SHC2: variants seen among roughly 807,000 people sequenced by gnomAD.
SHC2 encodes the protein SHC-transforming protein 2.
SHC2 carries 62 observed loss-of-function variants against 60.6 expected under a neutral mutation model. The observed-to-expected ratio is 1.02, with a 90% CI of 0.83 to 1.26. The LOEUF (loss-of-function observed/expected upper bound fraction) is 1.26, where lower values mean the gene tolerates loss of function less well. SHC2 is among the 50% of genes most tolerant of loss of function. The pLI, the probability that SHC2 is intolerant of heterozygous loss-of-function variation, is 0.00. For missense variants in SHC2, 873 were observed against 822.2 expected, an observed-to-expected ratio of 1.06 and a Z score of -0.76; for synonymous variants, 375 against 372.4, an observed-to-expected ratio of 1.01 and a Z score of -0.08.
chr19:437,379 C>T (rs1471162680), intron 4 of SHC2, among the ~76,000 whole-genome samples: 1 of 152,050 alleles, frequency 6.6e-6, no homozygotes, highest in African/African-American at 2.4e-5. Flanking sequence ...TGCTCGTCTG[C>T]GTGCTTGTTT....
At position 441,747 on chromosome 19, in the gene SHC2, C is replaced by T. The variant is rs138627399; in HGVS notation, c.469-815G>A. Among the ~76,000 whole-genome samples the T allele has an allele frequency of 1.8e-4, 27 of 152,250 alleles. No homozygotes were observed. The highest frequency in any genetic ancestry group is 5.8e-4 in the African/African-American group (24 of 41,544). On this transcript the variant is annotated intron_variant, in intron 1 of 12. Transcript: ENST00000264554. The surrounding 1 kb of genome is among the most constrained non-coding windows in gnomAD (Gnocchi z 4.9). Reference sequence around the variant, plus strand: ...GAATTAGACAGAAGGGGTGGTGGCACGATATTATGAATGTACGAAATGCTA... The same window carrying T: ...GAATTAGACAGAAGGGGTGGTGGCATGATATTATGAATGTACGAAATGCTA...
At chr19:431,316 C>G (rs34296370) in intron 8 of SHC2, among the ~76,000 whole-genome samples, 113 of 144,460 alleles carry the variant, frequency 7.8e-4, no homozygotes, top group East Asian at 2.2e-3. Flanking sequence ...TAGAGGAGGC[C>G]GGGCAGATAG....
intron 1 of SHC2, among the ~76,000 whole-genome samples, chr19:444,807 G>T (rs1415385630): frequency 6.6e-6 from 1 of 150,684 alleles, no homozygotes; most frequent in Non-Finnish European, 1.5e-5. Flanking sequence ...GCTAACTCAG[G>T]GCGCTTGTCA....
intron 1 of SHC2, among the ~76,000 whole-genome samples, chr19:452,844 C>T (rs987864506): frequency 1.3e-5 from 2 of 152,172 alleles, no homozygotes; most frequent in African/African-American, 4.8e-5. Context: ...CCCAGCAGGT[C>T]TGGGGTGGGG....
At chr19:426,907 T>C (rs1489334671) in intron 9 of SHC2, among the ~76,000 whole-genome samples, 1 of 150,520 alleles carries the variant, frequency 6.6e-6, no homozygotes, top group Non-Finnish European at 1.5e-5. Context: ...GGTGGAGGAA[T>C]CCCTGGACCC....
chr19:430,872 G>C (rs1011625732), intron 8 of SHC2, 125 bp from the exon 9 acceptor site: 2 of 826,388 alleles, frequency 2.4e-6, no homozygotes. Flanking sequence ...GCACAGCCCT[G>C]GCCCTCCCAT....
Position 461,002 on chromosome 19 carries a change from C to T in SHC2, c.-6G>A. The stretch of plus-strand genomic sequence containing the variant: ...CCGCCCGGACCCTGCGTCATGGCCG[C>T]GGCCGCCCGACGGAGCCCGACCGGG... On this transcript the variant is annotated 5_prime_UTR_variant, in exon 1 of 13. Coordinates refer to ENST00000264554, the MANE Select transcript of SHC2 (RefSeq NM_012435.3). 1.0e-6 allele frequency: 1 copy of T among 955,452 alleles called. No homozygotes were observed. Among genetic ancestry groups the T allele is most frequent in the Non-Finnish European group, 1.2e-6 (1 of 802,498 alleles). 59.2% of individuals were successfully genotyped at this position (955,452 alleles called of 1,614,324 possible).
intron 1 of SHC2, among the ~76,000 whole-genome samples, chr19:448,824 CCA>C (rs1019576613): frequency 1.3e-5 from 2 of 152,066 alleles, no homozygotes; most frequent in African/African-American, 4.8e-5. Flanking sequence ...TCCATGGATC[CCA>C]GGACGGAACA....
intron 1 of SHC2, among the ~76,000 whole-genome samples, chr19:451,643 G>A (rs1346140147): frequency 6.6e-6 from 1 of 152,196 alleles, no homozygotes; most frequent in Non-Finnish European, 1.5e-5. Context: ...TGTCGCCCAG[G>A]CTGGAGTGCA....
At chr19:436,026 T>C in intron 7 of SHC2, 139 bp downstream of exon 7, 1 of 901,230 alleles carries the variant, frequency 1.1e-6, no homozygotes, top group Non-Finnish European at 1.7e-6. Context: ...ATCCTCTGGC[T>C]GAGCCATATT....
At position 445,482 on chromosome 19, in the gene SHC2, G is replaced by C. The variant is rs533347246; in HGVS notation, c.469-4550C>G. 6.6e-6 allele frequency among the ~76,000 whole-genome samples: 1 copy of C among 152,134 alleles called. No homozygotes were observed. The highest frequency in any genetic ancestry group is 6.6e-5 in the Admixed American group (1 of 15,264). On this transcript the variant is annotated intron_variant, in intron 1 of 12. Transcript: ENST00000264554. This position sits in a 1 kb window ranked among gnomAD's most constrained non-coding sequence, Gnocchi z 4.4. Reference sequence around the variant, plus strand: ...GGCACAGCAGCTCATGCCTGTAATCGCAGCACTTCAGGAGACCTAGGTGGG... The same window carrying C: ...GGCACAGCAGCTCATGCCTGTAATCCCAGCACTTCAGGAGACCTAGGTGGG...
At chr19:437,838 T>C (rs1056963279) in intron 4 of SHC2, among the ~76,000 whole-genome samples, 1 of 151,832 alleles carries the variant, frequency 6.6e-6, no homozygotes. Context: ...CAGCCACACC[T>C]GAGATTCCCC....
intron 1 of SHC2, among the ~76,000 whole-genome samples, chr19:457,307 T>G (rs1187615823): frequency 6.9e-6 from 1 of 145,810 alleles, no homozygotes; most frequent in Non-Finnish European, 1.5e-5. Context: ...CTGCACCTGC[T>G]GTACCCCCCC....
Position 460,926 on chromosome 19 carries a change from G to A in SHC2, c.71C>T (p.Thr24Ile). 1 of 989,692 alleles carries A rather than the reference G, an allele frequency of 1.0e-6. No homozygotes were observed. The highest frequency in any genetic ancestry group is 1.8e-5 in the African/African-American group (1 of 56,912). 61.3% of individuals were successfully genotyped at this position (989,692 alleles called of 1,614,324 possible). A position where few individuals can be genotyped will look rare whatever the true frequency, so the allele number is the denominator to read the frequency against. ...PAPPEPEAPTTFCALLPRMPQ... is the reference protein window; with the variant it reads ...PAPPEPEAPTIFCALLPRMPQ... The stretch of plus-strand genomic sequence containing the variant: ...CATTCGGGGCAGCAACGCGCAGAAG[G>A]TGGTGGGCGCCTCGGGCTCGGGGGG... The change falls in exon 1 of 13, where the codon ACC becomes ATC. Residue 24 changes from threonine to isoleucine, a missense_variant. Coordinates refer to ENST00000264554, the MANE Select transcript of SHC2 (RefSeq NM_012435.3).
chr19:423,939 T>C (rs1437298917), intron 10 of SHC2, among the ~76,000 whole-genome samples: 2 of 152,212 alleles, frequency 1.3e-5, no homozygotes, highest in African/African-American at 2.4e-5. Flanking sequence ...TGAGGGCTGC[T>C]GTGAGGAGCC....
intron 1 of SHC2, among the ~76,000 whole-genome samples, chr19:458,748 A>G (rs112901402): frequency 0.028 from 3,498 of 125,108 alleles, 166 homozygotes; most frequent in African/African-American, 0.099. Flanking sequence ...GGGAGGCGGA[A>G]GCGGGTCCCG....
Position 453,831 on chromosome 19 carries a change from C to T in SHC2, c.468+6698G>A, listed in dbSNP as rs535692593. 1.4e-4 allele frequency among the ~76,000 whole-genome samples: 22 copies of T among 152,166 alleles called. No individual in the cohort carries two copies. The highest frequency in any genetic ancestry group is 1.5e-4 in the Non-Finnish European group (10 of 68,026). ...CACGCACCTGGAGCAGAGCCAGACA[C>T]GCACAGGAAACTCTCCCTGAAGTGC... On this transcript the variant is annotated intron_variant, in intron 1 of 12. Transcript: ENST00000264554. This position sits in a 1 kb window ranked among gnomAD's most constrained non-coding sequence, Gnocchi z 6.3.
At chr19:427,182 G>C (rs1420236936) in intron 9 of SHC2, among the ~76,000 whole-genome samples, 3 of 152,192 alleles carry the variant, frequency 2.0e-5, no homozygotes, top group African/African-American at 7.2e-5. Context: ...GATTGTTTGG[G>C]AAGATCTAAA....
chr19:422,350 C>T lies in SHC2; in HGVS notation c.1416G>A (p.Arg472=). 6.2e-7 allele frequency: 1 copy of T among 1,607,552 alleles called. No individual in the cohort carries two copies. Among genetic ancestry groups the T allele is most frequent in the South Asian group, 1.1e-5 (1 of 90,068 alleles). ...GTTCCTCCGTGGGGGCCACAGGGGCCCGGCGGGTAGGGGGGCTGGGCCACT... is the reference window on the plus strand; with the variant it reads ...GTTCCTCCGTGGGGGCCACAGGGGCTCGGCGGGTAGGGGGGCTGGGCCACT... ...EDQWPSPPTR[R]APVAPTEEQL... is the part of the protein sequence containing the mutation. The change falls in exon 11 of 13, where the codon CGG becomes CGA. Residue 472 remains arginine, a synonymous_variant. Coordinates refer to ENST00000264554, the MANE Select transcript of SHC2 (RefSeq NM_012435.3). This position sits in a 1 kb window ranked among gnomAD's most constrained non-coding sequence, Gnocchi z 5.0.
Sources: gnomAD v4.1 joint callset for allele counts (sites outside exome capture counted in the v4.1 genomes callset) on GRCh38, gnomAD v4.1.1 for gene constraint, Gnocchi (gnomAD v3.1) non-coding constraint, MANE v1.5 for transcripts, NCBI Gene and HGNC (gene_info 2026-07-23, HGNC 2026-07-21) for gene names.